The following CYP20A1 variants were observed in gnomAD, a reference collection of about 807,000 sequenced individuals.
The protein encoded by CYP20A1 is cytochrome P450 20A1.
In CYP20A1, 61 loss-of-function variants were observed where a neutral mutation model predicts 61.4. That is an observed-to-expected ratio of 0.99 (90% CI 0.81 to 1.23). The LOEUF is 1.23. CYP20A1 is among the 50% of genes most tolerant of loss of function. CYP20A1 has a pLI of 0.00. For missense variants in CYP20A1, 530 were observed against 542.4 expected, an observed-to-expected ratio of 0.98 and a Z score of 0.23; for synonymous variants, 193 against 188.2, an observed-to-expected ratio of 1.03 and a Z score of -0.21.
At chr2:203,283,410 G>C (rs1451996437) in intron 8 of CYP20A1, among the ~76,000 whole-genome samples, 1 of 151,096 alleles carries the variant, frequency 6.6e-6, no homozygotes, top group African/African-American at 2.4e-5. Flanking sequence ...TAGAGACGAG[G>C]TTTCACTGTG....
chr2:203,293,135 T>G (rs972158982), intron 11 of CYP20A1, among the ~76,000 whole-genome samples: 1 of 150,970 alleles, frequency 6.6e-6, no homozygotes, highest in African/African-American at 2.4e-5. Flanking sequence ...GATCATGCCA[T>G]TGCACTCCAG....
At position 203,299,288 on chromosome 2, in the gene CYP20A1, T is replaced by G. The variant is rs773131294; in HGVS notation, c.*2380T>G. On this transcript the variant is annotated 3_prime_UTR_variant, in exon 13 of 13. Coordinates refer to ENST00000356079, the MANE Select transcript of CYP20A1 (RefSeq NM_177538.3). ...ATTTTTAACACTGCTGAATTTCATT[T>G]GTAATTTTACTTTCAAGAATATACT... Among the ~76,000 whole-genome samples the G allele has an allele frequency of 6.6e-6, 1 of 152,164 alleles. No individual in the cohort carries two copies. Among genetic ancestry groups the G allele is most frequent in the Non-Finnish European group, 1.5e-5 (1 of 68,036 alleles).
intron 4 of CYP20A1, among the ~76,000 whole-genome samples, chr2:203,252,581 G>A (rs1221523541): frequency 6.6e-6 from 1 of 151,964 alleles, no homozygotes; most frequent in Non-Finnish European, 1.5e-5. Flanking sequence ...TTTTAGTAGA[G>A]GCAGGGTTTC....
chr2:203,260,834 A>G (rs1039696506), intron 4 of CYP20A1, among the ~76,000 whole-genome samples: 5 of 152,300 alleles, frequency 3.3e-5, no homozygotes, highest in Non-Finnish European at 7.4e-5. Flanking sequence ...GGTATCTGAG[A>G]TTAATGATAA....
At chr2:203,271,812 G>A (rs2067611871) in intron 5 of CYP20A1, among the ~76,000 whole-genome samples, 2 of 152,096 alleles carry the variant, frequency 1.3e-5, no homozygotes, top group South Asian at 2.1e-4. Context: ...GAGGTGGGTG[G>A]ATCACCTGAG....
chr2:203,295,457 AT>A (rs2068749745), intron 11 of CYP20A1, among the ~76,000 whole-genome samples: 2 of 152,306 alleles, frequency 1.3e-5, no homozygotes, highest in Admixed American at 6.5e-5. Flanking sequence ...TAAGACATAA[AT>A]TTCAGTTGAA....
chr2:203,290,542 A>G (rs1056772261), intron 10 of CYP20A1, among the ~76,000 whole-genome samples: 2 of 152,170 alleles, frequency 1.3e-5, no homozygotes, highest in African/African-American at 4.8e-5. Flanking sequence ...CTTTTATTGA[A>G]TGTATCATGG....
chr2:203,257,967 T>G, intron 4 of CYP20A1, among the ~76,000 whole-genome samples: 24 of 152,274 alleles, frequency 1.6e-4, no homozygotes, highest in Middle Eastern at 3.4e-3. Flanking sequence ...AGTGGCACAA[T>G]TATAGCTCAC....
rs2069107380 is a variant in CYP20A1 at position 203,303,631 on chromosome 2, G to A, written c.*6723G>A. On this transcript the variant is annotated 3_prime_UTR_variant, in exon 13 of 13. Coordinates refer to ENST00000356079, the MANE Select transcript of CYP20A1 (RefSeq NM_177538.3). ...AATCGCTTGAACCCAAGAGTCGGAG[G>A]TTGCAGTGAGCCGAGATCGCGCCAT... Among the ~76,000 whole-genome samples, 1 of 151,920 alleles carries A rather than the reference G, an allele frequency of 6.6e-6. No individual in the cohort carries two copies. Among genetic ancestry groups the A allele is most frequent in the Non-Finnish European group, 1.5e-5 (1 of 67,994 alleles).
intron 10 of CYP20A1, among the ~76,000 whole-genome samples, chr2:203,290,940 T>C (rs1250892305): frequency 1.3e-5 from 2 of 152,100 alleles, no homozygotes; most frequent in Non-Finnish European, 2.9e-5. Context: ...ACCATGCCCA[T>C]CTAGCATAAT....
rs534088693 is a variant in CYP20A1 at position 203,298,491 on chromosome 2, C to A, written c.*1583C>A. Among the ~76,000 whole-genome samples, 32 of 145,236 alleles carry A rather than the reference C, an allele frequency of 2.2e-4. No individual in the cohort carries two copies. Among genetic ancestry groups the A allele is most frequent in the African/African-American group, 7.9e-4 (31 of 39,082 alleles). On this transcript the variant is annotated 3_prime_UTR_variant, in exon 13 of 13. Coordinates refer to ENST00000356079, the MANE Select transcript of CYP20A1 (RefSeq NM_177538.3). ...TCAATTGAGGTCAGGTGTTCGAGAC[C>A]AGCCAGGCCAACTTGGTGAAACCCC...
chr2:203,264,794 A>C (rs2067262695), intron 4 of CYP20A1, among the ~76,000 whole-genome samples: 2 of 151,986 alleles, frequency 1.3e-5, no homozygotes, highest in Admixed American at 1.3e-4. Context: ...CAGTGGTGCA[A>C]TCTCAGCTCA....
At position 203,251,793 on chromosome 2, in the gene CYP20A1, G is replaced by GTACATATATATATATATA. The variant is rs1553513991; in HGVS notation, c.290-172_290-171insCATATATATATATATATA. ...TCAAAAGAAAACTATATATATATGT[G>GTACATATATATATATATA]TATATATATATATATATATATATAA... On this transcript the variant is annotated intron_variant, in intron 3 of 12. Coordinates refer to ENST00000356079, the MANE Select transcript of CYP20A1 (RefSeq NM_177538.3). Among the ~76,000 whole-genome samples, 78 of 64,170 alleles carry GTACATATATATATATATA rather than the reference G, an allele frequency of 1.2e-3. 2 individuals carry two copies. The highest frequency in any genetic ancestry group is 3.1e-3 in the African/African-American group (76 of 24,468). The allele number at this position is 64,170 out of a possible 152,430, so 42.1% of individuals were successfully genotyped here.
intron 10 of CYP20A1, among the ~76,000 whole-genome samples, chr2:203,291,881 A>G (rs2068550652): frequency 6.6e-6 from 1 of 152,062 alleles, no homozygotes; most frequent in African/African-American, 2.4e-5. Flanking sequence ...TCTTGTGTCC[A>G]TGTGTTCTCA....
rs751351969 is a variant in CYP20A1 at position 203,251,958 on chromosome 2, C to G, written c.290-9C>G. On this transcript the variant is annotated splice_polypyrimidine_tract_variant and intron_variant, in intron 3 of 12. Coordinates refer to ENST00000356079, the MANE Select transcript of CYP20A1 (RefSeq NM_177538.3). ...TTTGATACAGAAATATTTAATTTGT[C>G]TGTTTCAGCGGACCCTTTTGAAACC... 3.3e-6 allele frequency: 5 copies of G among 1,527,462 alleles called. No individual in the cohort carries two copies. Among genetic ancestry groups the G allele is most frequent in the Non-Finnish European group, 4.4e-6 (5 of 1,131,862 alleles). The allele number at this position is 1,527,462 out of a possible 1,614,324, so 94.6% of individuals were successfully genotyped here. A position where few individuals can be genotyped will look rare whatever the true frequency, so the allele number is the denominator to read the frequency against.
intron 4 of CYP20A1, among the ~76,000 whole-genome samples, chr2:203,263,966 T>G (rs1271588000): frequency 6.6e-6 from 1 of 152,082 alleles, no homozygotes; most frequent in Non-Finnish European, 1.5e-5. Context: ...ATTTTAGCTC[T>G]GTTGAGCTCT....
intron 11 of CYP20A1, among the ~76,000 whole-genome samples, chr2:203,294,940 AATTTTTTTTTTT>A (rs2068716990): frequency 4.4e-5 from 4 of 91,250 alleles, no homozygotes; most frequent in African/African-American, 1.3e-4. Flanking sequence ...CCTTTAAAAA[AATTTTTTTTTTT>A]TTTTTTTTTT....
chr2:203,265,671 T>C (rs1291508976), intron 4 of CYP20A1, among the ~76,000 whole-genome samples: 1 of 152,158 alleles, frequency 6.6e-6, no homozygotes, highest in Non-Finnish European at 1.5e-5. Flanking sequence ...TAATTACATC[T>C]ACAAATGTTT....
Position 203,305,915 on chromosome 2 carries a change from T to C in CYP20A1, c.*9007T>C, listed in dbSNP as rs1017916798. Among the ~76,000 whole-genome samples the C allele has an allele frequency of 2.0e-5, 3 of 152,332 alleles. No individual in the cohort carries two copies. The highest frequency in any genetic ancestry group is 2.0e-4 in the Admixed American group (3 of 15,280). On this transcript the variant is annotated 3_prime_UTR_variant, in exon 13 of 13. Coordinates refer to ENST00000356079, the MANE Select transcript of CYP20A1 (RefSeq NM_177538.3). ...TGTGATGTGCTGAATACTCCATTAA[T>C]AGAAGTGTTTAAGAGGATGTTGTAT... is the stretch of plus-strand genomic sequence containing the variant.
Sources: allele counts gnomAD v4.1 joint callset (sites outside exome capture counted in the v4.1 genomes callset), GRCh38; gene constraint gnomAD v4.1.1; transcripts MANE v1.5; gene names NCBI Gene and HGNC (gene_info 2026-07-23, HGNC 2026-07-21).